The following AFG1L variants were observed in gnomAD, a reference collection of about 807,000 sequenced individuals.
The protein encoded by AFG1L is AFG1 like ATPase.
AFG1L carries 53 observed loss-of-function variants against 62.2 expected under a neutral mutation model. The ratio of observed to expected loss-of-function variants is 0.85; its 90% CI spans 0.68 to 1.07. AFG1L has a LOEUF of 1.07. AFG1L is among the 50% of genes least tolerant of loss of function. The pLI is 0.00. For synonymous variants in AFG1L, 228 were observed against 210.3 expected (o/e 1.08, Z -0.73); for missense variants, 555 against 590.5 (o/e 0.94, Z 0.62).
chr6:108,299,365 A>G (rs564894402), intron 1 of AFG1L, among the ~76,000 whole-genome samples: 102 of 152,304 alleles, frequency 6.7e-4, no homozygotes, highest in African/African-American at 2.2e-3. Context: ...TGCAGGTGAA[A>G]TAATGACATA....
chr6:108,456,200 T>C (rs1294273979), intron 8 of AFG1L, among the ~76,000 whole-genome samples: 1 of 152,174 alleles, frequency 6.6e-6, no homozygotes, highest in Non-Finnish European at 1.5e-5. Flanking sequence ...TCATTATTCC[T>C]GGTAATATTC....
chr6:108,369,345 G>A (rs1204160080), intron 6 of AFG1L, among the ~76,000 whole-genome samples: 6 of 152,132 alleles, frequency 3.9e-5, no homozygotes, highest in African/African-American at 1.2e-4. Flanking sequence ...CATATTATAA[G>A]TAAATTAAAA....
intron 6 of AFG1L, among the ~76,000 whole-genome samples, chr6:108,377,486 T>G (rs1484560557): frequency 2.0e-5 from 3 of 152,186 alleles, no homozygotes; most frequent in Non-Finnish European, 4.4e-5. Flanking sequence ...AAGATTTTAT[T>G]TCTTCTTTGC....
intron 5 of AFG1L, among the ~76,000 whole-genome samples, chr6:108,365,214 G>C (rs1779706499): frequency 6.6e-6 from 1 of 152,098 alleles, no homozygotes; most frequent in Non-Finnish European, 1.5e-5. Flanking sequence ...ATACTTAGGG[G>C]AAGTTGCAAT....
intron 1 of AFG1L, among the ~76,000 whole-genome samples, chr6:108,312,315 G>A (rs1232085849): frequency 1.3e-5 from 2 of 152,132 alleles, no homozygotes; most frequent in Non-Finnish European, 2.9e-5. Context: ...GAGGCAGGAG[G>A]ATCACTTGAG....
intron 8 of AFG1L, among the ~76,000 whole-genome samples, chr6:108,455,554 CT>C (rs1219975072): frequency 1.3e-5 from 2 of 151,944 alleles, no homozygotes; most frequent in Non-Finnish European, 2.9e-5. Context: ...TTTGCTCTTC[CT>C]TTTCTAGTTT....
At chr6:108,428,720 CA>C (rs1397464087) in intron 7 of AFG1L, among the ~76,000 whole-genome samples, 1 of 152,048 alleles carries the variant, frequency 6.6e-6, no homozygotes, top group East Asian at 1.9e-4. Flanking sequence ...AGCATTTTTC[CA>C]TATGTTTGTT....
intron 8 of AFG1L, among the ~76,000 whole-genome samples, chr6:108,467,478 C>A (rs1205038915): frequency 6.6e-6 from 1 of 152,128 alleles, no homozygotes; most frequent in African/African-American, 2.4e-5. Context: ...AAACTCCTGA[C>A]CTCAGGTGAT....
intron 6 of AFG1L, among the ~76,000 whole-genome samples, chr6:108,397,414 C>A (rs577243008): frequency 6.6e-6 from 1 of 151,974 alleles, no homozygotes; most frequent in African/African-American, 2.4e-5. Flanking sequence ...TAGGCGTGAG[C>A]CCTGGCTGAT....
chr6:108,360,374 A>G (rs1779475740), intron 5 of AFG1L, among the ~76,000 whole-genome samples: 1 of 152,202 alleles, frequency 6.6e-6, no homozygotes, highest in Admixed American at 6.5e-5. Context: ...ATGCACAGAG[A>G]TGACAAAACA....
In AFG1L at chr6:108,364,913, G is replaced by A. The variant is rs935839011; in HGVS notation, c.649-1320G>A. Among the ~76,000 whole-genome samples the A allele has an allele frequency of 2.0e-4, 29 of 141,888 alleles. No individual in the cohort carries two copies. In the South Asian group the frequency reaches 2.7e-3, roughly 13 times the overall value. The allele number at this position is 141,888 out of a possible 152,430, so 93.1% of individuals were successfully genotyped here. ...TACATCTCTATTTCATGGTTTTGTT[G>A]TTTTCAGGTGGGAAAGAAGATATTA... is the stretch of plus-strand genomic sequence containing the variant. On this transcript the variant is annotated intron_variant, in intron 5 of 12. Coordinates refer to ENST00000368977, the MANE Select transcript of AFG1L (RefSeq NM_145315.5).
intron 10 of AFG1L, among the ~76,000 whole-genome samples, chr6:108,478,007 G>T (rs1229060828): frequency 6.6e-6 from 1 of 152,040 alleles, no homozygotes; most frequent in Non-Finnish European, 1.5e-5. Flanking sequence ...ATAATTTTTC[G>T]ATTGACATGC....
chr6:108,336,437 G>A (rs887391668), intron 2 of AFG1L, among the ~76,000 whole-genome samples: 14 of 152,130 alleles, frequency 9.2e-5, no homozygotes, highest in Admixed American at 5.2e-4. Context: ...GGCAGAGGAC[G>A]TGCTATTTCA....
chr6:108,346,852 T>TA, intron 2 of AFG1L, 136 bp from the exon 3 acceptor site: 2 of 643,702 alleles, frequency 3.1e-6, no homozygotes, highest in Non-Finnish European at 5.4e-6. Context: ...AACACTTTTA[T>TA]ATCAAGTTTT....
At chr6:108,344,290 T>C (rs1438182457) in intron 2 of AFG1L, among the ~76,000 whole-genome samples, 1 of 152,104 alleles carries the variant, frequency 6.6e-6, no homozygotes. Context: ...TTTTTGTATT[T>C]TCAGAAGAGA....
intron 7 of AFG1L, among the ~76,000 whole-genome samples, chr6:108,424,716 T>C (rs1012211122): frequency 1.3e-5 from 2 of 152,126 alleles, no homozygotes; most frequent in Non-Finnish European, 2.9e-5. Context: ...TAAATTGCAA[T>C]ATATTAAATT....
At chr6:108,483,129 CCA>C (rs1367617404) in intron 10 of AFG1L, among the ~76,000 whole-genome samples, 4 of 151,902 alleles carry the variant, frequency 2.6e-5, no homozygotes, top group Non-Finnish European at 1.5e-5. Flanking sequence ...ATATGAGAAT[CCA>C]GTTATTTTCT....
chr6:108,514,791 G>A (rs1774810963), intron 11 of AFG1L, among the ~76,000 whole-genome samples: 1 of 152,124 alleles, frequency 6.6e-6, no homozygotes, highest in African/African-American at 2.4e-5. Context: ...CAAAATAAAA[G>A]GATGGAGGAA....
chr6:108,389,196 C>T (rs1780930034), intron 6 of AFG1L, among the ~76,000 whole-genome samples: 2 of 152,130 alleles, frequency 1.3e-5, no homozygotes, highest in Non-Finnish European at 1.5e-5. Context: ...ACTAGGATTG[C>T]AACCCCTGCC....
Sources: gnomAD v4.1 joint callset for allele counts (sites outside exome capture counted in the v4.1 genomes callset) on GRCh38, gnomAD v4.1.1 for gene constraint, MANE v1.5 for transcripts, NCBI Gene and HGNC (gene_info 2026-07-23, HGNC 2026-07-21) for gene names.